The following GFRA2 variants were observed in gnomAD, a reference collection of about 807,000 sequenced individuals.
GFRA2 encodes GDNF family receptor alpha 2.
Under a neutral mutation model 48.3 loss-of-function variants are expected in GFRA2, and 17 were observed. The ratio of observed to expected loss-of-function variants is 0.35; its 90% CI spans 0.24 to 0.53. The LOEUF (loss-of-function observed/expected upper bound fraction) is 0.53. Among genes scored for constraint, GFRA2 ranks in the 20% least tolerant of loss-of-function variants. GFRA2 has a pLI of 0.93. For synonymous variants in GFRA2, 305 were observed against 257.2 expected (o/e 1.19, Z -1.78); for missense variants, 660 against 637.3 (o/e 1.04, Z -0.38).
chr8:21,712,482 A>G (rs1803101223), intron 4 of GFRA2, among the ~76,000 whole-genome samples: 1 of 149,086 alleles, frequency 6.7e-6, no homozygotes, highest in South Asian at 2.1e-4. Flanking sequence ...CACTTCCTAG[A>G]TGGGATGGCG....
chr8:21,759,426 GAGGGA>G, intron 3 of GFRA2, among the ~76,000 whole-genome samples: 1 of 137,616 alleles, frequency 7.3e-6, no homozygotes, highest in Non-Finnish European at 1.6e-5. Flanking sequence ...AAGAGGGAAA[GAGGGA>G]AAGAGGGAGG....
At chr8:21,768,020 G>A (rs1349042681) in intron 3 of GFRA2, among the ~76,000 whole-genome samples, 7 of 152,150 alleles carry the variant, frequency 4.6e-5, no homozygotes, top group Admixed American at 6.5e-5. Context: ...CTCCAGCTCC[G>A]CCACCTGCGG....
chr8:21,755,063 G>A (rs1321835038), intron 3 of GFRA2, among the ~76,000 whole-genome samples: 3 of 152,164 alleles, frequency 2.0e-5, no homozygotes, highest in African/African-American at 7.2e-5. Flanking sequence ...AGTCAGTGGG[G>A]AGTGGGGGAG....
chr8:21,727,170 A>C (rs1339033358), intron 4 of GFRA2, among the ~76,000 whole-genome samples: 1 of 152,050 alleles, frequency 6.6e-6, no homozygotes, highest in East Asian at 1.9e-4. Context: ...GAGGTGTTTG[A>C]TCTCACTTCC....
chr8:21,776,732 A>G (rs1466616889), intron 2 of GFRA2, among the ~76,000 whole-genome samples: 1 of 152,070 alleles, frequency 6.6e-6, no homozygotes, highest in African/African-American at 2.4e-5. Context: ...CAGCCTCCTA[A>G]AGTGCTGGGA....
At chr8:21,737,867 C>T (rs567225965) in intron 4 of GFRA2, among the ~76,000 whole-genome samples, 4 of 152,148 alleles carry the variant, frequency 2.6e-5, no homozygotes, top group Admixed American at 6.5e-5. Context: ...GTGGTTCACA[C>T]GGGTGAGCCC....
In GFRA2 at chr8:21,706,005, G is replaced by A; in HGVS notation, c.831C>T (p.Ala277=). The part of the protein sequence containing the change: ...RLADFHANCR[A]SYQTVTSCPA... Reference sequence around the variant, plus strand: ...GGCAGCTGGTGACCGTCTGGTAGGAGGCTCGACAATTGGCATGGAAGTCGG... The same window carrying A: ...GGCAGCTGGTGACCGTCTGGTAGGAAGCTCGACAATTGGCATGGAAGTCGG... The change falls in exon 5 of 9, where the codon GCC becomes GCT. Residue 277 remains alanine, a synonymous_variant. Transcript: ENST00000524240. 2.5e-6 allele frequency: 4 copies of A among 1,579,714 alleles called. No individual in the cohort carries two copies. Among genetic ancestry groups the A allele is most frequent in the Non-Finnish European group, 3.4e-6 (4 of 1,162,506 alleles).
At chr8:21,729,481 A>C (rs191104946) in intron 4 of GFRA2, among the ~76,000 whole-genome samples, 1 of 152,228 alleles carries the variant, frequency 6.6e-6, no homozygotes, top group Admixed American at 6.5e-5. Context: ...AGAGAGTGAA[A>C]GCTGGGCCTG....
At position 21,693,413 on chromosome 8, in the gene GFRA2, CAGG is replaced by C. The variant is rs768227428; in HGVS notation, c.1273-16_1273-14del. On this transcript the variant is annotated splice_polypyrimidine_tract_variant and intron_variant, in intron 8 of 8. Coordinates refer to ENST00000524240, the MANE Select transcript of GFRA2 (RefSeq NM_001495.5). The stretch of plus-strand genomic sequence containing the variant: ...TATTTGTCGTGAGCTGAGTCCGCAG[CAGG>C]AGAAGAATCAGGAACAAAGAGAATG... 17 of 1,599,018 alleles carry C rather than the reference CAGG, an allele frequency of 1.1e-5. No homozygotes were observed. The highest frequency in any genetic ancestry group is 3.3e-4 in the Middle Eastern group (2 of 6,016).
At chr8:21,757,506 C>CT (rs5889999) in intron 3 of GFRA2, among the ~76,000 whole-genome samples, 4 of 145,736 alleles carry the variant, frequency 2.7e-5, no homozygotes, top group South Asian at 2.1e-4. Flanking sequence ...TTCCTTAATC[C>CT]TTTTTTTTGA....
chr8:21,795,724 C>T (rs1054886271), intron 2 of GFRA2, among the ~76,000 whole-genome samples: 1 of 152,202 alleles, frequency 6.6e-6, no homozygotes, highest in African/African-American at 2.4e-5. Flanking sequence ...GAAGACCACT[C>T]ATGACATGAC....
At chr8:21,759,489 G>GGAAT (rs1357395137) in intron 3 of GFRA2, among the ~76,000 whole-genome samples, 2 of 81,816 alleles carry the variant, frequency 2.4e-5, no homozygotes, top group African/African-American at 9.7e-5. Context: ...AAGGAAAGAA[G>GGAAT]GAAGGAAGGA....
At chr8:21,768,382 C>T (rs1357091071) in intron 3 of GFRA2, among the ~76,000 whole-genome samples, 1 of 152,226 alleles carries the variant, frequency 6.6e-6, no homozygotes, top group African/African-American at 2.4e-5. Context: ...GGGAGAGCTG[C>T]TGCTGTTCTT....
intron 4 of GFRA2, among the ~76,000 whole-genome samples, chr8:21,745,992 A>T (rs1291786927): frequency 6.6e-6 from 1 of 152,242 alleles, no homozygotes; most frequent in Non-Finnish European, 1.5e-5. Context: ...AGCAGACAGG[A>T]AAACTGCTTC....
At chr8:21,740,336 T>A (rs555823916) in intron 4 of GFRA2, among the ~76,000 whole-genome samples, 1 of 152,290 alleles carries the variant, frequency 6.6e-6, no homozygotes, top group South Asian at 2.1e-4. Context: ...ACTAATGTCT[T>A]TCCCAGAAAG....
chr8:21,714,247 T>TA (rs1803221348), intron 4 of GFRA2, among the ~76,000 whole-genome samples: 1 of 54,794 alleles, frequency 1.8e-5, no homozygotes, highest in Admixed American at 2.5e-4. Flanking sequence ...TCTGAAGTTC[T>TA]TTTTTTTTTT....
chr8:21,715,120 C>A (rs1803266877), intron 4 of GFRA2, among the ~76,000 whole-genome samples: 1 of 152,198 alleles, frequency 6.6e-6, no homozygotes. Flanking sequence ...ACCTGATCTT[C>A]CATCCTTTCC....
At chr8:21,711,602 A>G (rs1205955593) in intron 4 of GFRA2, among the ~76,000 whole-genome samples, 1 of 152,234 alleles carries the variant, frequency 6.6e-6, no homozygotes, top group Non-Finnish European at 1.5e-5. Context: ...GTGTAGGTTC[A>G]TTTGAATTTC....
upstream of GFRA2, among the ~76,000 whole-genome samples, chr8:21,789,787 C>T (rs1470520133): frequency 0.029 from 1 of 34 alleles, no homozygotes; most frequent in African/African-American, 0.12. Context: ...GTCTCCCCTC[C>T]CCCCGGCTCG....
Sources: gnomAD v4.1 joint callset for allele counts (sites outside exome capture counted in the v4.1 genomes callset) on GRCh38, gnomAD v4.1.1 for gene constraint, MANE v1.5 for transcripts, NCBI Gene and HGNC (gene_info 2026-07-23, HGNC 2026-07-21) for gene names.